The following SEMA3C variants were observed in gnomAD, a reference collection of about 807,000 sequenced individuals.
The protein encoded by SEMA3C is semaphorin-3C.
Under a neutral mutation model 89.4 loss-of-function variants are expected in SEMA3C, and 47 were observed. That is an observed-to-expected ratio of 0.53 (90% CI 0.42 to 0.67). The LOEUF is 0.67. Among genes scored for constraint, SEMA3C ranks in the 30% least tolerant of loss-of-function variants. SEMA3C has a pLI of 0.00. For missense variants in SEMA3C, 839 were observed against 929.1 expected (o/e 0.90, Z 1.26); for synonymous variants, 310 against 320.2 (o/e 0.97, Z 0.34).
At chr7:80,751,084 C>T (rs186847419) in intron 16 of SEMA3C, among the ~76,000 whole-genome samples, 185 bp downstream of exon 16, 41 of 152,222 alleles carry the variant, frequency 2.7e-4, no homozygotes, top group African/African-American at 9.4e-4. Flanking sequence ...TTGTTTTACA[C>T]GATTCTCAGT....
rs1426195694 is a variant in SEMA3C at position 80,743,037 on chromosome 7, T to G, written c.*1857A>C. On this transcript the variant is annotated 3_prime_UTR_variant, in exon 18 of 18. Transcript: ENST00000265361. ...CTGTGACTCTGAAACAATTTTACTTTTAACTTTGAGAATAGATTGGCCATA... is the reference window on the plus strand; with the variant it reads ...CTGTGACTCTGAAACAATTTTACTTGTAACTTTGAGAATAGATTGGCCATA... The G allele has an allele frequency of 1.3e-5, 2 of 151,936 alleles. No homozygotes were observed. Among genetic ancestry groups the G allele is most frequent in the African/African-American group, 4.8e-5 (2 of 41,428 alleles). 9.4% of individuals were successfully genotyped at this position (151,936 alleles called of 1,614,324 possible). A position where few individuals can be genotyped will look rare whatever the true frequency, so the allele number is the denominator to read the frequency against.
At chr7:80,866,493 T>C (rs956622665) in intron 2 of SEMA3C, among the ~76,000 whole-genome samples, 3 of 151,912 alleles carry the variant, frequency 2.0e-5, no homozygotes, top group Non-Finnish European at 4.4e-5. Flanking sequence ...AAAAAATAAA[T>C]AAATAAAAAA....
At position 80,748,879 on chromosome 7, in the gene SEMA3C, G is replaced by A. The variant is rs1055472134; in HGVS notation, c.1842+19C>T. 4 of 1,600,710 alleles carry A rather than the reference G, an allele frequency of 2.5e-6. No individual in the cohort carries two copies. In the Admixed American group the frequency reaches 7.0e-5, roughly 28 times the overall value. The stretch of plus-strand genomic sequence containing the variant: ...CTCTCTGAAGCCCTGATGGATTGCT[G>A]CTGTGCTGCTTTACTCACCTCTTTC... On this transcript the variant is annotated intron_variant, in intron 17 of 17. Transcript: ENST00000265361.
chr7:80,839,706 A>G (rs1275103690), intron 2 of SEMA3C, among the ~76,000 whole-genome samples: 1 of 152,094 alleles, frequency 6.6e-6, no homozygotes, highest in Non-Finnish European at 1.5e-5. Context: ...GGACAGAAAT[A>G]TAAAGACAGT....
At chr7:80,840,988 T>A (rs757274989) in intron 2 of SEMA3C, among the ~76,000 whole-genome samples, 1 of 152,030 alleles carries the variant, frequency 6.6e-6, no homozygotes, top group Non-Finnish European at 1.5e-5. Flanking sequence ...AACCCTCAGG[T>A]GGGAGATTCA....
intron 2 of SEMA3C, among the ~76,000 whole-genome samples, chr7:80,872,976 G>C (rs1791105665): frequency 6.8e-6 from 1 of 146,964 alleles, no homozygotes; most frequent in Non-Finnish European, 1.5e-5. Flanking sequence ...TGTGAAACTA[G>C]TTTTGACCTT....
At chr7:80,798,293 A>T in intron 10 of SEMA3C, 57 bp from the exon 11 acceptor site, 2 of 1,264,184 alleles carry the variant, frequency 1.6e-6, no homozygotes, top group East Asian at 3.1e-5. Context: ...AATACAATTT[A>T]AAAAATATAT....
chr7:80,754,228 C>T (rs866540953), intron 15 of SEMA3C, among the ~76,000 whole-genome samples: 1 of 152,088 alleles, frequency 6.6e-6, no homozygotes, highest in Non-Finnish European at 1.5e-5. Flanking sequence ...TGGGCCACTG[C>T]GCCCGGCATG....
At chr7:80,895,085 C>T (rs1791701544) in intron 2 of SEMA3C, among the ~76,000 whole-genome samples, 1 of 152,162 alleles carries the variant, frequency 6.6e-6, no homozygotes, top group Admixed American at 6.5e-5. Flanking sequence ...GATTTATCCC[C>T]ACACACACGT....
At chr7:80,788,506 G>T (rs1392485692) in intron 12 of SEMA3C, among the ~76,000 whole-genome samples, 1 of 152,124 alleles carries the variant, frequency 6.6e-6, no homozygotes, top group African/African-American at 2.4e-5. Context: ...CTCAGAATTT[G>T]TATTTCCAAC....
intron 6 of SEMA3C, among the ~76,000 whole-genome samples, chr7:80,809,354 T>G (rs569143756): frequency 5.7e-4 from 87 of 152,308 alleles, no homozygotes; most frequent in African/African-American, 1.8e-3. Context: ...AAAACACCCC[T>G]TTAACCATTT....
chr7:80,883,752 G>A (rs1367645593), intron 2 of SEMA3C, among the ~76,000 whole-genome samples: 3 of 152,184 alleles, frequency 2.0e-5, no homozygotes, highest in Non-Finnish European at 4.4e-5. Flanking sequence ...GTCCTTCAGA[G>A]TATCAAAGCA....
At chr7:80,810,422 CTTA>C (rs972948650) in intron 6 of SEMA3C, among the ~76,000 whole-genome samples, 186 bp downstream of exon 6, 2 of 152,086 alleles carry the variant, frequency 1.3e-5, no homozygotes, top group African/African-American at 4.8e-5. Context: ...AAGTTACATG[CTTA>C]TTATTTAATC....
At chr7:80,849,736 T>C (rs1461671022) in intron 2 of SEMA3C, among the ~76,000 whole-genome samples, 1 of 152,124 alleles carries the variant, frequency 6.6e-6, no homozygotes, top group African/African-American at 2.4e-5. Context: ...TGTGGTCTTG[T>C]GATAGCCAAA....
intron 5 of SEMA3C, among the ~76,000 whole-genome samples, chr7:80,812,961 ATT>A (rs1215661147): frequency 0.33 from 30,127 of 92,164 alleles, 3,737 homozygotes; most frequent in Non-Finnish European, 0.37. Flanking sequence ...TATTTTTTGT[ATT>A]TTTTTTTTTT....
chr7:80,839,569 T>C (rs958120635), intron 2 of SEMA3C, among the ~76,000 whole-genome samples: 2 of 152,126 alleles, frequency 1.3e-5, no homozygotes, highest in Non-Finnish European at 2.9e-5. Flanking sequence ...GAAAACATTT[T>C]CTCATGTGCT....
At chr7:80,855,462 G>T (rs925974969) in intron 2 of SEMA3C, among the ~76,000 whole-genome samples, 5 of 152,054 alleles carry the variant, frequency 3.3e-5, no homozygotes, top group African/African-American at 9.7e-5. Context: ...ATAGAGACAG[G>T]TCTCGCTATG....
At chr7:80,808,119 C>T (rs1196175421) in intron 6 of SEMA3C, among the ~76,000 whole-genome samples, 2 of 152,076 alleles carry the variant, frequency 1.3e-5, no homozygotes, top group Admixed American at 6.5e-5. Context: ...ATTTTGGAAA[C>T]AAATCCAATT....
chr7:80,919,057 G>C (rs1424435340), upstream of SEMA3C: 1 of 985,202 alleles, frequency 1.0e-6, no homozygotes, highest in Non-Finnish European at 1.2e-6. Context: ...GGAGTGAATG[G>C]AAAGTGGCCG....
Sources: allele counts gnomAD v4.1 joint callset (sites outside exome capture counted in the v4.1 genomes callset), GRCh38; gene constraint gnomAD v4.1.1; transcripts MANE v1.5; gene names NCBI Gene and HGNC (gene_info 2026-07-23, HGNC 2026-07-21).